Variants in ITGB7 observed in about 807,000 individuals in gnomAD.
ITGB7 encodes the protein integrin subunit beta 7.
In ITGB7, 55 loss-of-function variants were observed where a neutral mutation model predicts 83.4. The observed-to-expected ratio is 0.66, with a 90% CI of 0.53 to 0.83. The LOEUF (loss-of-function observed/expected upper bound fraction) is 0.83, where lower values mean the gene tolerates loss of function less well. Ranked by LOEUF, ITGB7 falls within the 40% of genes least tolerant of loss-of-function variation. ITGB7 has a pLI of 0.00. For synonymous variants in ITGB7, 454 were observed against 423.6 expected (o/e 1.07, Z -0.88); for missense variants, 921 against 1,046.7 (o/e 0.88, Z 1.66).
chr12:53,194,180 G>A lies in ITGB7; in HGVS notation c.1308+18C>T, dbSNP rs1942075099. Reference sequence around the variant, plus strand: ...ACCTCCCCCTGCCCGCCTTCTGCCTGTGCTTGCTGGCTCTCACCGTCTGGT... The same window carrying A: ...ACCTCCCCCTGCCCGCCTTCTGCCTATGCTTGCTGGCTCTCACCGTCTGGT... On this transcript the variant is annotated intron_variant, in intron 10 of 15. Transcript: ENST00000267082. 1.2e-6 allele frequency: 2 copies of A among 1,613,904 alleles called. No individual in the cohort carries two copies. Among genetic ancestry groups the A allele is most frequent in the Middle Eastern group, 1.6e-4 (1 of 6,062 alleles).
In ITGB7 at chr12:53,191,478, A is replaced by G; in HGVS notation, c.*78T>C. 8.6e-7 allele frequency: 1 copy of G among 1,167,864 alleles called. No individual in the cohort carries two copies. Among genetic ancestry groups the G allele is most frequent in the Non-Finnish European group, 1.3e-6 (1 of 773,870 alleles). 72.3% of individuals were successfully genotyped at this position (1,167,864 alleles called of 1,614,324 possible). On this transcript the variant is annotated 3_prime_UTR_variant, in exon 16 of 16. Coordinates refer to ENST00000267082, the MANE Select transcript of ITGB7 (RefSeq NM_000889.3). ...AATTAGTCCCCTACCAAGGTCTTAC[A>G]GACCCACCCTTCCTCTCACCCTCCA... is the stretch of plus-strand genomic sequence containing the variant.
rs61730604 is a variant in ITGB7 at position 53,193,227 on chromosome 12, G to A, written c.1639C>T (p.Arg547Cys). 6.0e-5 allele frequency: 97 copies of A among 1,614,032 alleles called. No individual in the cohort carries two copies. The highest frequency in any genetic ancestry group is 8.1e-5 in the Non-Finnish European group (95 of 1,180,028). ...CSGKGHCQCG[R>C]CSCSGQSSGH... ...GAGCTCTGTCCACTGCAGCTGCAGCGTCCACATTGACAGTGACCCTTTCCA... is the reference window on the plus strand; with the variant it reads ...GAGCTCTGTCCACTGCAGCTGCAGCATCCACATTGACAGTGACCCTTTCCA... The change falls in exon 12 of 16, where the codon CGC becomes TGC. Residue 547 changes from arginine to cysteine, a missense_variant. Coordinates refer to ENST00000267082, the MANE Select transcript of ITGB7 (RefSeq NM_000889.3).
intron 1 of ITGB7, chr12:53,206,715 A>G (rs1942450771): frequency 6.6e-6 from 1 of 152,238 alleles, no homozygotes; most frequent in Admixed American, 6.5e-5. Flanking sequence ...ACTGGGAGTC[A>G]CAAGGAGGGG....
intron 3 of ITGB7, among the ~76,000 whole-genome samples, chr12:53,198,376 A>G (rs966684867): frequency 6.6e-6 from 1 of 150,436 alleles, no homozygotes; most frequent in Non-Finnish European, 1.5e-5. Context: ...CGCCCACCTC[A>G]GCCTCCCAAA....
intron 6 of ITGB7, 166 bp from the exon 7 acceptor site, chr12:53,196,365 A>G: frequency 1.0e-6 from 1 of 998,936 alleles, no homozygotes; most frequent in Non-Finnish European, 1.5e-6. Flanking sequence ...CCCCTAAAGA[A>G]GGCTGCTGCT....
Position 53,192,739 on chromosome 12 carries a change from G to T in ITGB7, c.1898C>A (p.Ala633Asp). 6.2e-7 allele frequency: 1 copy of T among 1,614,238 alleles called. No individual in the cohort carries two copies. Among genetic ancestry groups the T allele is most frequent in the Non-Finnish European group, 8.5e-7 (1 of 1,180,052 alleles). ...RCQCLDGYYG[A>D]LCDQCPGCKT... ...GCAGCCTGGGCATTGGTCGCATAGAGCACCATAGTAGCCGTCCAAGCACTG... is the reference window on the plus strand; with the variant it reads ...GCAGCCTGGGCATTGGTCGCATAGATCACCATAGTAGCCGTCCAAGCACTG... Residue 633 changes from alanine (A) to aspartate (D), a missense_variant, in exon 13 of 16, where the codon GCT becomes GAT. Coordinates refer to ENST00000267082, the MANE Select transcript of ITGB7 (RefSeq NM_000889.3).
chr12:53,191,834 G>T (rs371095321), intron 15 of ITGB7, 25 bp downstream of exon 15: 2 of 1,613,332 alleles, frequency 1.2e-6, no homozygotes, highest in Non-Finnish European at 1.7e-6. Context: ...AGCTAAAAAG[G>T]GGCCTAACCA....
At chr12:53,194,453 C>A in intron 9 of ITGB7, 109 bp from the exon 10 acceptor site, 1 of 1,087,126 alleles carries the variant, frequency 9.2e-7, no homozygotes. Flanking sequence ...TGCCCTCTGC[C>A]ACCTGGGGCT....
At chr12:53,201,295 G>C (rs1050526973) in intron 1 of ITGB7, 101 bp from the exon 2 acceptor site, 4 of 152,244 alleles carry the variant, frequency 2.6e-5, no homozygotes, top group Admixed American at 6.5e-5. Context: ...GGGAATTAAA[G>C]AAAAGAAAGC....
At chr12:53,203,647 C>CAAAAAAAAAAAAAAAAAAAAA (rs1158624130) in intron 1 of ITGB7, among the ~76,000 whole-genome samples, 20 of 51,000 alleles carry the variant, frequency 3.9e-4, no homozygotes, top group South Asian at 6.7e-4. Flanking sequence ...GACCCTGTCT[C>CAAAAAAAAAAAAAAAAAAAAA]AAAAAAAAAA....
Position 53,193,867 on chromosome 12 carries a change from C to T in ITGB7, c.1343G>A (p.Cys448Tyr), listed in dbSNP as rs1334352115. Reference sequence around the variant, plus strand: ...CCTCAGGAGATGGGGCTCTGGGAGGCAGTGGGTGGCTTGGAGAGAAACCCA... The same window carrying T: ...CCTCAGGAGATGGGGCTCTGGGAGGTAGTGGGTGGCTTGGAGAGAAACCCA... ...TFWVSLQATH[C>Y]LPEPHLLRLR... is the part of the protein sequence containing the mutation. The change falls in exon 11 of 16, where the codon TGC becomes TAC. Residue 448 changes from cysteine to tyrosine, a missense_variant. Physicochemically the swap from Cys to Tyr is radical, Grantham distance 194. Coordinates refer to ENST00000267082, the MANE Select transcript of ITGB7 (RefSeq NM_000889.3). The T allele has an allele frequency of 1.2e-6, 2 of 1,613,524 alleles. No individual in the cohort carries two copies. The highest frequency in any genetic ancestry group is 8.5e-7 in the Non-Finnish European group (1 of 1,179,778).
chr12:53,193,520 G>A, intron 11 of ITGB7, 157 bp from the exon 12 acceptor site: 1 of 732,686 alleles, frequency 1.4e-6, no homozygotes, highest in Non-Finnish European at 2.2e-6. Context: ...AGGGGTGAGA[G>A]AGTGGAGGGA....
chr12:53,197,894 G>GC lies in ITGB7; in HGVS notation c.258dup (p.Leu87AlafsTer62), dbSNP rs1942220571. On this transcript the variant is annotated frameshift_variant, in exon 4 of 16. Transcript: ENST00000267082. LOFTEE classifies it high-confidence loss of function. The stretch of plus-strand genomic sequence containing the variant: ...TCCTCCAGCGGGCAGCCTCGAGCCA[G>GC]CAGCTCCTCTCGTCGGGCGCAGCGC... The GC allele has an allele frequency of 6.5e-7, 1 of 1,542,762 alleles. No homozygotes were observed. Among genetic ancestry groups the GC allele is most frequent in the African/African-American group, 1.4e-5 (1 of 73,000 alleles).
intron 12 of ITGB7, 68 bp downstream of exon 12, chr12:53,193,072 A>G: frequency 6.9e-7 from 1 of 1,458,224 alleles, no homozygotes. Context: ...ATGCCAGGAG[A>G]TTCCCAGAGC....
At chr12:53,204,854 G>A (rs1391491024) in intron 1 of ITGB7, among the ~76,000 whole-genome samples, 1 of 26,380 alleles carries the variant, frequency 3.8e-5, no homozygotes, top group African/African-American at 1.4e-4. Flanking sequence ...TTTTTTTTTT[G>A]GCAGAGTCCC....
Position 53,192,038 on chromosome 12 carries a change from A to C in ITGB7, c.2156-19T>G. ...GCTCCCTCTGTGAACAAGAAACCAGACACACTTGTGGGAGCTGGAGCATAG... is the reference window on the plus strand; with the variant it reads ...GCTCCCTCTGTGAACAAGAAACCAGCCACACTTGTGGGAGCTGGAGCATAG... On this transcript the variant is annotated intron_variant, in intron 14 of 15. Coordinates refer to ENST00000267082, the MANE Select transcript of ITGB7 (RefSeq NM_000889.3). The C allele has an allele frequency of 6.2e-7, 1 of 1,608,284 alleles. No individual in the cohort carries two copies. Among genetic ancestry groups the C allele is most frequent in the African/African-American group, 1.3e-5 (1 of 74,878 alleles).
Position 53,196,633 on chromosome 12 carries a change from AT to A in ITGB7, c.761del (p.Asn254IlefsTer80). 1 of 1,613,300 alleles carries A rather than the reference AT, an allele frequency of 6.2e-7. No homozygotes were observed. The highest frequency in any genetic ancestry group is 8.5e-7 in the Non-Finnish European group (1 of 1,179,606). On this transcript the variant is annotated frameshift_variant, in exon 6 of 16. Coordinates refer to ENST00000267082, the MANE Select transcript of ITGB7 (RefSeq NM_000889.3). LOFTEE classifies it high-confidence loss of function. ...REVGRQSVSG[N>X]LDSPEGGFDA... is the part of the protein sequence containing the mutation. ...CGAAGCCACCTTCAGGCGAGTCCAGATTGCCGGACACACTCTGGCGCCCCAC... is the reference window on the plus strand; with the variant it reads ...CGAAGCCACCTTCAGGCGAGTCCAGATGCCGGACACACTCTGGCGCCCCAC...
intron 12 of ITGB7, 82 bp downstream of exon 12, chr12:53,193,058 T>G: frequency 7.0e-7 from 1 of 1,421,704 alleles, no homozygotes; most frequent in Non-Finnish European, 9.7e-7. Flanking sequence ...GATATTTGCC[T>G]TCCATGCCAG....
chr12:53,194,119 A>G, intron 10 of ITGB7, 79 bp downstream of exon 10: 1 of 1,583,708 alleles, frequency 6.3e-7, no homozygotes, highest in Admixed American at 1.7e-5. Context: ...TGTACCTGCC[A>G]CCCATCTTTT....
Sources: gnomAD v4.1 joint callset for allele counts (sites outside exome capture counted in the v4.1 genomes callset) on GRCh38, gnomAD v4.1.1 for gene constraint, MANE v1.5 for transcripts, NCBI Gene and HGNC (gene_info 2026-07-23, HGNC 2026-07-21) for gene names.